P3H2: variants seen among roughly 807,000 people sequenced by gnomAD.
P3H2 encodes prolyl 3-hydroxylase 2, also known as leprecan-like 1.
P3H2 carries 80 observed loss-of-function variants against 87.0 expected under a neutral mutation model. The ratio of observed to expected loss-of-function variants is 0.92; its 90% confidence interval spans 0.77 to 1.11. P3H2 has a LOEUF of 1.11. P3H2 is among the 50% of genes least tolerant of loss of function. P3H2 has a pLI of 0.00. For synonymous variants in P3H2, 367 were observed against 359.3 expected (o/e 1.02, Z -0.24); for missense variants, 1,001 against 923.9 (o/e 1.08, Z -1.08).
intron 7 of P3H2, among the ~76,000 whole-genome samples, chr3:189,984,067 T>A (rs3114671): frequency 0.78 from 118,380 of 151,876 alleles, 46,426 homozygotes; most frequent in East Asian, 0.92. Flanking sequence ...CCTAAAACTT[T>A]AAGTATAATA....
At chr3:189,966,121 G>GA (rs372324965) in intron 13 of P3H2, among the ~76,000 whole-genome samples, 333 of 70,648 alleles carry the variant, frequency 4.7e-3, no homozygotes, top group Non-Finnish European at 7.2e-3. Context: ...AAGAAAGAAA[G>GA]AAAAAGAAAG....
chr3:190,105,366 T>G (rs1711790857), intron 1 of P3H2, among the ~76,000 whole-genome samples: 1 of 152,214 alleles, frequency 6.6e-6, no homozygotes, highest in Non-Finnish European at 1.5e-5. Flanking sequence ...TAATCTTTTT[T>G]GAAACTGCAA....
intron 1 of P3H2, among the ~76,000 whole-genome samples, chr3:190,071,425 A>C (rs1726693441): frequency 6.6e-6 from 1 of 152,240 alleles, no homozygotes; most frequent in Non-Finnish European, 1.5e-5. Flanking sequence ...ATGTAAATCC[A>C]ATCAGCTTCC....
intron 1 of P3H2, among the ~76,000 whole-genome samples, chr3:190,094,220 G>C (rs1234143203): frequency 6.6e-6 from 1 of 152,134 alleles, no homozygotes; most frequent in Non-Finnish European, 1.5e-5. Context: ...CTTCCACCCA[G>C]GAAAGCAAAA....
intron 1 of P3H2, among the ~76,000 whole-genome samples, chr3:190,046,269 T>C (rs538779380): frequency 6.6e-6 from 1 of 152,248 alleles, no homozygotes; most frequent in Non-Finnish European, 1.5e-5. Context: ...TTTTTTCTGG[T>C]TGAATCCTGA....
At position 190,066,421 on chromosome 3, in the gene P3H2, G is replaced by A. The variant is rs1051807533; in HGVS notation, c.480+53831C>T. ...AAACATTGTATGTTCTCACTCATAAGTGGGAGCTGAGCTATGAGGATGCAA... is the reference window on the plus strand; with the variant it reads ...AAACATTGTATGTTCTCACTCATAAATGGGAGCTGAGCTATGAGGATGCAA... On this transcript the variant is annotated intron_variant, in intron 1 of 14. Transcript: ENST00000319332. Among the ~76,000 whole-genome samples the A allele has an allele frequency of 4.6e-5, 7 of 152,026 alleles. No individual in the cohort carries two copies. In the East Asian group the frequency reaches 1.4e-3, roughly 29 times the overall value.
At position 189,957,494 on chromosome 3, in the gene P3H2, T is replaced by A. The variant is rs1051260729; in HGVS notation, c.*418A>T. Reference sequence around the variant, plus strand: ...GTGTGTGTGTGTTTGGGGGAGGAGGTGAACTGGGCTTTGATAGATACATGA... The same window carrying A: ...GTGTGTGTGTGTTTGGGGGAGGAGGAGAACTGGGCTTTGATAGATACATGA... On this transcript the variant is annotated 3_prime_UTR_variant, in exon 15 of 15. Coordinates refer to ENST00000319332, the MANE Select transcript of P3H2 (RefSeq NM_018192.4). 1 of 366,040 alleles carries A rather than the reference T, an allele frequency of 2.7e-6. No homozygotes were observed. 22.7% of individuals were successfully genotyped at this position (366,040 alleles called of 1,614,324 possible). A position where few individuals can be genotyped will look rare whatever the true frequency, so the allele number is the denominator to read the frequency against.
chr3:190,099,539 C>T (rs1711545529), intron 1 of P3H2, among the ~76,000 whole-genome samples: 1 of 152,202 alleles, frequency 6.6e-6, no homozygotes, highest in Non-Finnish European at 1.5e-5. Flanking sequence ...GATTCTGTTG[C>T]TCTGGTTTAA....
Position 190,120,767 on chromosome 3 carries a change from G to C in P3H2, c.-36C>G, listed in dbSNP as rs1403443919. 1.3e-5 allele frequency: 19 copies of C among 1,512,360 alleles called. No homozygotes were observed. The highest frequency in any genetic ancestry group is 2.0e-5 in the Admixed American group (1 of 49,070). 93.7% of individuals were successfully genotyped at this position (1,512,360 alleles called of 1,614,324 possible). On this transcript the variant is annotated 5_prime_UTR_variant, in exon 1 of 15. Coordinates refer to ENST00000319332, the MANE Select transcript of P3H2 (RefSeq NM_018192.4). Reference sequence around the variant, plus strand: ...AGAGAGGCGCGGGACGGTTACGCTCGAGAGGGCTTCGGGGCACCTCGCGTC... The same window carrying C: ...AGAGAGGCGCGGGACGGTTACGCTCCAGAGGGCTTCGGGGCACCTCGCGTC...
chr3:189,973,483 C>A (rs950516496), intron 10 of P3H2, among the ~76,000 whole-genome samples: 51 of 135,626 alleles, frequency 3.8e-4, no homozygotes, highest in Non-Finnish European at 6.1e-4. Context: ...GGTATATATT[C>A]AAAACTTTTT....
Position 190,076,664 on chromosome 3 carries a change from C to T in P3H2, c.480+43588G>A, listed in dbSNP as rs192526331. ...AGGTATTATAACCCACAATTCTAGC[C>T]TCACTCATCTGAGAAAAGGGAGACT... On this transcript the variant is annotated intron_variant, in intron 1 of 14. Coordinates refer to ENST00000319332, the MANE Select transcript of P3H2 (RefSeq NM_018192.4). Among the ~76,000 whole-genome samples, 352 of 152,240 alleles carry T rather than the reference C, an allele frequency of 2.3e-3. 1 individual carries two copies. Among genetic ancestry groups the T allele is most frequent in the South Asian group, 0.011 (52 of 4,818 alleles).
chr3:190,101,112 T>C (rs2108515873), intron 1 of P3H2, among the ~76,000 whole-genome samples: 1 of 152,158 alleles, frequency 6.6e-6, no homozygotes, highest in Admixed American at 6.5e-5. Flanking sequence ...TTGTGTGTGT[T>C]CTGATGGCTT....
intron 1 of P3H2, among the ~76,000 whole-genome samples, chr3:190,024,099 G>T (rs892732871): frequency 6.6e-6 from 1 of 152,068 alleles, no homozygotes; most frequent in Non-Finnish European, 1.5e-5. Flanking sequence ...TTAATGCAGG[G>T]GCCCTGCTTG....
chr3:190,120,513 G>T lies in P3H2; in HGVS notation c.219C>A (p.Ser73Arg), dbSNP rs1712520426. ...AVRDLEAALR[S>R]HRRLREIRTR... ...TGCGGATTTCCCGCAGGCGCCGGTG[G>T]CTGCGCAGCGCCGCTTCCAAGTCGC... Residue 73 changes from serine (S) to arginine (R), a missense_variant, in exon 1 of 15, where the codon AGC becomes AGA. Ser to Arg is a moderately radical substitution (Grantham distance 110). Transcript: ENST00000319332. 4.7e-6 allele frequency: 7 copies of T among 1,474,248 alleles called. No homozygotes were observed. The highest frequency in any genetic ancestry group is 6.3e-6 in the Non-Finnish European group (7 of 1,119,692). 91.3% of individuals were successfully genotyped at this position (1,474,248 alleles called of 1,614,324 possible). A position where few individuals can be genotyped will look rare whatever the true frequency, so the allele number is the denominator to read the frequency against.
chr3:190,121,493 C>T (rs938512), upstream of P3H2: 53,139 of 151,828 alleles, frequency 0.35, 9,682 homozygotes, highest in African/African-American at 0.47. Context: ...GCCTTTAGAA[C>T]CAAAGCTTAC....
chr3:190,106,435 T>C (rs1711840035), intron 1 of P3H2, among the ~76,000 whole-genome samples: 1 of 152,208 alleles, frequency 6.6e-6, no homozygotes, highest in Admixed American at 6.5e-5. Flanking sequence ...CTGTTATAGA[T>C]GTAATTATTT....
intron 1 of P3H2, among the ~76,000 whole-genome samples, chr3:190,029,211 A>G (rs1725179540): frequency 1.3e-5 from 2 of 152,234 alleles, no homozygotes; most frequent in Non-Finnish European, 2.9e-5. Context: ...TTATCCAAGG[A>G]GCTGAGAACC....
Position 189,957,835 on chromosome 3 carries a change from G to A in P3H2, c.*77C>T. The A allele has an allele frequency of 1.0e-6, 1 of 957,496 alleles. No individual in the cohort carries two copies. Among genetic ancestry groups the A allele is most frequent in the Non-Finnish European group, 1.7e-6 (1 of 600,284 alleles). 59.3% of individuals were successfully genotyped at this position (957,496 alleles called of 1,614,324 possible). On this transcript the variant is annotated 3_prime_UTR_variant, in exon 15 of 15. Coordinates refer to ENST00000319332, the MANE Select transcript of P3H2 (RefSeq NM_018192.4). ...CATTAACCTGTTAATTTATACCATG[G>A]CTCTGTACAAAAATAAAAAGGTTCT...
chr3:190,121,626 G>C (rs1451450759), upstream of P3H2: 1 of 152,186 alleles, frequency 6.6e-6, no homozygotes, highest in Non-Finnish European at 1.5e-5. Context: ...TGCCTTTCCT[G>C]TGCAGCCCGT....
Sources: allele counts gnomAD v4.1 joint callset (sites outside exome capture counted in the v4.1 genomes callset), GRCh38; gene constraint gnomAD v4.1.1; transcripts MANE v1.5; gene names NCBI Gene and HGNC (gene_info 2026-07-23, HGNC 2026-07-21).